Variants in KIAA0513 observed in about 807,000 individuals in gnomAD.
KIAA0513 encodes KIAA0513.
A neutral mutation model predicts 56.5 loss-of-function variants in KIAA0513; 39 were observed. The observed-to-expected ratio is 0.69, with a 90% CI of 0.53 to 0.90. KIAA0513 has a LOEUF of 0.90. Ranked by LOEUF, KIAA0513 falls within the 40% of genes least tolerant of loss-of-function variation. The pLI, the probability that KIAA0513 is intolerant of heterozygous loss-of-function variation, is 0.00. For synonymous variants in KIAA0513, 268 were observed against 215.6 expected (o/e 1.24, Z -2.13); for missense variants, 591 against 535.2 (o/e 1.10, Z -1.03).
intron 1 of KIAA0513, among the ~76,000 whole-genome samples, chr16:85,045,197 C>T (rs958594459): frequency 6.6e-6 from 1 of 152,136 alleles, no homozygotes; most frequent in Non-Finnish European, 1.5e-5. Flanking sequence ...CAGTCAGATG[C>T]GTTTCTGGAC....
chr16:85,071,104 C>G (rs921016979), intron 2 of KIAA0513, among the ~76,000 whole-genome samples: 1 of 150,936 alleles, frequency 6.6e-6, no homozygotes, highest in Non-Finnish European at 1.5e-5. Flanking sequence ...AGAGTGTTGG[C>G]CCCTTGCAAA....
chr16:85,028,635 C>G (rs1399401242), intron 1 of KIAA0513, among the ~76,000 whole-genome samples: 1 of 150,552 alleles, frequency 6.6e-6, no homozygotes, highest in Non-Finnish European at 1.5e-5. Flanking sequence ...CCGCCCTTGT[C>G]CTGGGTTTGT....
intron 1 of KIAA0513, among the ~76,000 whole-genome samples, chr16:85,037,627 C>G (rs1055245887): frequency 6.6e-6 from 1 of 152,178 alleles, no homozygotes; most frequent in Non-Finnish European, 1.5e-5. Flanking sequence ...AATCCGCACT[C>G]TATTCAGTGA....
rs1467914369 is a variant in KIAA0513 at position 85,076,577 on chromosome 16, G to C, written c.574+663G>C. Among the ~76,000 whole-genome samples the C allele has an allele frequency of 3.3e-5, 5 of 152,080 alleles. No homozygotes were observed. Among genetic ancestry groups the C allele is most frequent in the African/African-American group, 1.2e-4 (5 of 41,386 alleles). On this transcript the variant is annotated intron_variant, in intron 5 of 12. Coordinates refer to ENST00000683363, the MANE Select transcript of KIAA0513 (RefSeq NM_001388359.1). The surrounding 1 kb of genome is among the most constrained non-coding windows in gnomAD (Gnocchi z 4.7). ...TAGGTCAGGGAGGTGCTAGGCCCTG[G>C]TCCCCCGTGCTTTCCTCTCTCGGGA...
Position 85,067,104 on chromosome 16 carries a change from A to C in KIAA0513, c.33A>C (p.Leu11=). The C allele has an allele frequency of 1.9e-6, 3 of 1,605,244 alleles. No homozygotes were observed. The highest frequency in any genetic ancestry group is 1.7e-4 in the Middle Eastern group (1 of 6,020). The part of the protein sequence containing the change: METPEVPVGS[L]IDFGPEAPTS... ...CCCCAGAGGTCCCCGTGGGCTCGCTAATCGACTTTGGGCCTGAGGCACCCA... is the reference window on the plus strand; with the variant it reads ...CCCCAGAGGTCCCCGTGGGCTCGCTCATCGACTTTGGGCCTGAGGCACCCA... The change falls in exon 2 of 13, where the codon CTA becomes CTC. Residue 11 remains leucine (L), a synonymous_variant. Transcript: ENST00000683363.
chr16:85,052,092 C>T (rs1191159837), intron 1 of KIAA0513, among the ~76,000 whole-genome samples: 1 of 152,098 alleles, frequency 6.6e-6, no homozygotes, highest in African/African-American at 2.4e-5. Context: ...GAGGCCAAGG[C>T]AGGCAGATCA....
chr16:85,028,231 A>G (rs2072915804), intron 1 of KIAA0513, among the ~76,000 whole-genome samples: 1 of 152,044 alleles, frequency 6.6e-6, no homozygotes, highest in African/African-American at 2.4e-5. Flanking sequence ...TTTGGGATGG[A>G]GCTGGTGTCC....
At chr16:85,053,884 C>G (rs1020572600) in intron 1 of KIAA0513, among the ~76,000 whole-genome samples, 5 of 151,296 alleles carry the variant, frequency 3.3e-5, no homozygotes, top group African/African-American at 9.7e-5. Context: ...CCCAGCTACT[C>G]AGGAGGCTGA....
At chr16:85,052,378 G>A (rs981347323) in intron 1 of KIAA0513, among the ~76,000 whole-genome samples, 2 of 152,078 alleles carry the variant, frequency 1.3e-5, no homozygotes, top group Non-Finnish European at 2.9e-5. Context: ...CAGGCCTGGT[G>A]TCAGGCACCT....
intron 1 of KIAA0513, among the ~76,000 whole-genome samples, chr16:85,060,111 C>T (rs2143971089): frequency 6.6e-6 from 1 of 152,310 alleles, no homozygotes; most frequent in Middle Eastern, 3.4e-3. Flanking sequence ...CAGGCATGCA[C>T]CACCAGGCCT....
At chr16:85,045,544 T>C (rs1026656502) in intron 1 of KIAA0513, among the ~76,000 whole-genome samples, 2 of 152,074 alleles carry the variant, frequency 1.3e-5, no homozygotes, top group African/African-American at 4.8e-5. Context: ...TTAGTAGAGA[T>C]GGGGTTTCAC....
At chr16:85,085,011 A>G (rs1235567713) in intron 10 of KIAA0513, among the ~76,000 whole-genome samples, 1 of 152,224 alleles carries the variant, frequency 6.6e-6, no homozygotes, top group Non-Finnish European at 1.5e-5. Context: ...CATTTGGCTC[A>G]GGAAGAGGAG....
chr16:85,049,697 C>G (rs1215464673), intron 1 of KIAA0513, among the ~76,000 whole-genome samples: 1 of 152,192 alleles, frequency 6.6e-6, no homozygotes, highest in African/African-American at 2.4e-5. Context: ...CCCCAGAAGT[C>G]AAGCGGATGC....
intron 3 of KIAA0513, 30 bp downstream of exon 3, chr16:85,071,912 G>GT: frequency 7.2e-7 from 1 of 1,394,266 alleles, no homozygotes; most frequent in Non-Finnish European, 1.0e-6. Context: ...AAGGATGGGC[G>GT]TTTACTCTCA....
chr16:85,066,686 G>C (rs1308363636), intron 1 of KIAA0513, among the ~76,000 whole-genome samples: 1 of 152,188 alleles, frequency 6.6e-6, no homozygotes, highest in Non-Finnish European at 1.5e-5. Context: ...AAATGCTGAT[G>C]TCAGTGTTTA....
chr16:85,086,537 G>A, intron 10 of KIAA0513, 107 bp from the exon 11 acceptor site: 2 of 1,041,276 alleles, frequency 1.9e-6, no homozygotes, highest in Non-Finnish European at 1.5e-6. Context: ...TGCCCGGTGG[G>A]GGCCGTACAT....
chr16:85,029,050 C>A (rs1252032570), intron 1 of KIAA0513, among the ~76,000 whole-genome samples: 1 of 152,192 alleles, frequency 6.6e-6, no homozygotes, highest in African/African-American at 2.4e-5. Context: ...TTCCTGTCTT[C>A]CCCCCATTTC....
In KIAA0513 at chr16:85,091,356, C is replaced by G. The variant is rs182693453; in HGVS notation, c.*3031C>G. 1 of 152,126 alleles carries G rather than the reference C, an allele frequency of 6.6e-6. No homozygotes were observed. The highest frequency in any genetic ancestry group is 2.4e-5 in the African/African-American group (1 of 41,420). The allele number at this position is 152,126 out of a possible 1,614,324, so 9.4% of individuals were successfully genotyped here. ...ATAGATTGCATCTGCCCTGTGCATG[C>G]GCATGTTTAACCACAGGCCAGAGAA... is the stretch of plus-strand genomic sequence containing the variant. On this transcript the variant is annotated 3_prime_UTR_variant, in exon 13 of 13. Transcript: ENST00000683363.
intron 1 of KIAA0513, among the ~76,000 whole-genome samples, chr16:85,039,984 G>A (rs1191820953): frequency 6.6e-6 from 1 of 151,536 alleles, no homozygotes; most frequent in East Asian, 2.0e-4. Context: ...ACAGGCATGT[G>A]CCACCGCGCC....
Sources: allele counts gnomAD v4.1 joint callset (sites outside exome capture counted in the v4.1 genomes callset), GRCh38; gene constraint gnomAD v4.1.1; non-coding constraint Gnocchi (gnomAD v3.1); transcripts MANE v1.5; gene names NCBI Gene and HGNC (gene_info 2026-07-23, HGNC 2026-07-21).